ACP7: variants seen among roughly 807,000 people sequenced by gnomAD.
ACP7 encodes the protein acid phosphatase type 7.
ACP7 carries 58 observed loss-of-function variants against 60.6 expected under a neutral mutation model. That is an observed-to-expected ratio of 0.96 (90% confidence interval 0.77 to 1.19). ACP7 has a LOEUF of 1.19. Among genes scored for constraint, ACP7 ranks in the 50% most tolerant of loss-of-function variants. The pLI, the probability that ACP7 is intolerant of heterozygous loss-of-function variation, is 0.00. For synonymous variants in ACP7, 237 were observed against 232.6 expected (o/e 1.02, Z -0.17); for missense variants, 574 against 596.2 (o/e 0.96, Z 0.39).
intron 11 of ACP7, among the ~76,000 whole-genome samples, chr19:39,104,742 G>A (rs2073393405): frequency 1.3e-5 from 2 of 151,898 alleles, no homozygotes; most frequent in South Asian, 2.1e-4. Flanking sequence ...AAAATTAGCC[G>A]GGCATGGTGG....
At chr19:39,106,560 G>A (rs959627289) in intron 11 of ACP7, among the ~76,000 whole-genome samples, 10 of 152,284 alleles carry the variant, frequency 6.6e-5, no homozygotes, top group African/African-American at 9.6e-5. Flanking sequence ...GTGTCACTCC[G>A]TCTCCCAGGC....
chr19:39,100,626 G>A lies in ACP7; in HGVS notation c.676G>A (p.Glu226Lys), dbSNP rs370072116. Residue 226 changes from glutamate to lysine, a missense_variant, in exon 6 of 13, where the codon GAG becomes AAG. By Grantham distance (56) the Glu-to-Lys change is moderately conservative. Transcript: ENST00000331256. ...TCGCTTCAGCATGCCGGGGGATAAT[G>A]AGGGCCTGTGGTACAGGTAATGTGG... ...KARFSMPGDN[E>K]GLWYSWDLGP... The A allele has an allele frequency of 2.4e-5, 38 of 1,613,934 alleles. No homozygotes were observed. In the African/African-American group the frequency reaches 4.1e-4, roughly 18 times the overall value.
At position 39,085,121 on chromosome 19, in the gene ACP7, ACCTC is replaced by A; in HGVS notation, c.-145_-142del. 1.0e-6 allele frequency: 1 copy of A among 1,001,120 alleles called. No individual in the cohort carries two copies. The highest frequency in any genetic ancestry group is 2.0e-5 in the South Asian group (1 of 50,750). The allele number at this position is 1,001,120 out of a possible 1,614,324, so 62.0% of individuals were successfully genotyped here. A position where few individuals can be genotyped will look rare whatever the true frequency, so the allele number is the denominator to read the frequency against. ...TGGATAACCACCCATCTTGAAGGAG[ACCTC>A]CCTGCCCTGCCTCTGTTGTCCCCCA... On this transcript the variant is annotated 5_prime_UTR_variant, in exon 2 of 13. Coordinates refer to ENST00000331256, the MANE Select transcript of ACP7 (RefSeq NM_001004318.3).
intron 11 of ACP7, among the ~76,000 whole-genome samples, chr19:39,102,156 AC>A (rs1242136292): frequency 6.6e-6 from 1 of 151,162 alleles, no homozygotes; most frequent in Non-Finnish European, 1.5e-5. Context: ...ACACACACAC[AC>A]AAAAGATACT....
In ACP7 at chr19:39,092,498, C is replaced by T. The variant is rs573349032; in HGVS notation, c.122-5960C>T. 5.9e-5 allele frequency among the ~76,000 whole-genome samples: 9 copies of T among 152,202 alleles called. No individual in the cohort carries two copies. In the South Asian group the frequency reaches 1.7e-3, roughly 28 times the overall value. On this transcript the variant is annotated intron_variant, in intron 2 of 12. Transcript: ENST00000331256. ...TTGTCTTTTGTCTTGTAATAATACC[C>T]AGTTAGGACACTGTTTCTTGCGGTT...
At chr19:39,109,729 G>A (rs1225284387) in intron 12 of ACP7, among the ~76,000 whole-genome samples, 1 of 150,688 alleles carries the variant, frequency 6.6e-6, no homozygotes, top group African/African-American at 2.4e-5. Context: ...GAGAAAGAGT[G>A]GATGTGCTGG....
chr19:39,100,914 A>C, intron 7 of ACP7, 35 bp from the exon 8 acceptor site: 1 of 1,505,570 alleles, frequency 6.6e-7, no homozygotes, highest in Non-Finnish European at 9.1e-7. Context: ...TCCACCCCTG[A>C]CTCCTAGCCC....
intron 2 of ACP7, among the ~76,000 whole-genome samples, chr19:39,095,287 C>G (rs1375102156): frequency 2.0e-5 from 3 of 152,164 alleles, no homozygotes; most frequent in Non-Finnish European, 2.9e-5. Context: ...CTAGTTACTT[C>G]CTAGATACAA....
In ACP7 at chr19:39,085,320, C is replaced by T; in HGVS notation, c.51C>T (p.Phe17=). 1 of 1,613,768 alleles carries T rather than the reference C, an allele frequency of 6.2e-7. No individual in the cohort carries two copies. Among genetic ancestry groups the T allele is most frequent in the South Asian group, 1.1e-5 (1 of 91,018 alleles). Residue 17 remains phenylalanine, a synonymous_variant, in exon 2 of 13, where the codon TTC becomes TTT. Coordinates refer to ENST00000331256, the MANE Select transcript of ACP7 (RefSeq NM_001004318.3). ...CCTGTTACTGTCTACTCCTGCTATT[C>T]TCCTTGGGAGTCCAGGGGTCCCTGG... ...YWSCYCLLLL[F]SLGVQGSLGA... is the part of the protein sequence containing the mutation.
intron 12 of ACP7, among the ~76,000 whole-genome samples, chr19:39,108,699 T>C (rs1179204464): frequency 6.6e-6 from 1 of 152,144 alleles, no homozygotes; most frequent in Non-Finnish European, 1.5e-5. Context: ...ATCCAAATAA[T>C]AATGGCTCAC....
chr19:39,091,236 C>T (rs1202775139), intron 2 of ACP7, among the ~76,000 whole-genome samples: 1 of 150,860 alleles, frequency 6.6e-6, no homozygotes. Context: ...GATCTCAGCT[C>T]ACAGCAACCT....
chr19:39,093,172 C>CTTT, intron 2 of ACP7, among the ~76,000 whole-genome samples: 1 of 80,868 alleles, frequency 1.2e-5, no homozygotes, highest in African/African-American at 5.1e-5. Flanking sequence ...CTTTCTTTCT[C>CTTT]TCCTTCCTTC....
At chr19:39,084,753 GA>G (rs1351151070) in intron 1 of ACP7, among the ~76,000 whole-genome samples, 1 of 152,014 alleles carries the variant, frequency 6.6e-6, no homozygotes, top group Non-Finnish European at 1.5e-5. Context: ...GAAAGCTGGG[GA>G]TGGGGCTGCG....
chr19:39,100,524 G>A (rs1432980098), intron 5 of ACP7, 56 bp from the exon 6 acceptor site: 3 of 1,605,946 alleles, frequency 1.9e-6, no homozygotes, highest in Non-Finnish European at 2.6e-6. Flanking sequence ...GGGTATAGGA[G>A]TAGGGCTATG....
At chr19:39,098,851 CCCCA>C (rs1201430970) in intron 3 of ACP7, 105 bp from the exon 4 acceptor site, 177 of 1,485,866 alleles carry the variant, frequency 1.2e-4, no homozygotes, top group Non-Finnish European at 1.5e-4. Context: ...ATGGGCCAGC[CCCCA>C]CCAGTCCCCC....
intron 2 of ACP7, among the ~76,000 whole-genome samples, chr19:39,087,772 T>C (rs1487819235): frequency 6.6e-6 from 1 of 152,064 alleles, no homozygotes; most frequent in Non-Finnish European, 1.5e-5. Context: ...TATCTGGGAT[T>C]ACAGGCATGC....
At chr19:39,091,164 C>CTTTTTTTTT (rs111230201) in intron 2 of ACP7, among the ~76,000 whole-genome samples, 1 of 139,668 alleles carries the variant, frequency 7.2e-6, no homozygotes, top group African/African-American at 2.6e-5. Context: ...TCTTTTCTTT[C>CTTTTTTTTT]TTTTTTTTTT....
At chr19:39,102,765 T>TTCTTTCTTTC (rs1316628357) in intron 11 of ACP7, among the ~76,000 whole-genome samples, 157 of 107,440 alleles carry the variant, frequency 1.5e-3, no homozygotes, top group African/African-American at 4.5e-3. Context: ...CTTTCTTTCT[T>TTCTTTCTTTC]TCTCTCTCTC....
chr19:39,110,418 G>C lies in ACP7; in HGVS notation c.*300G>C, dbSNP rs1177270877. The C allele has an allele frequency of 8.7e-6, 3 of 345,772 alleles. No individual in the cohort carries two copies. Among genetic ancestry groups the C allele is most frequent in the Non-Finnish European group, 1.6e-5 (3 of 188,198 alleles). The allele number at this position is 345,772 out of a possible 1,614,324, so 21.4% of individuals were successfully genotyped here. A position where few individuals can be genotyped will look rare whatever the true frequency, so the allele number is the denominator to read the frequency against. The stretch of plus-strand genomic sequence containing the variant: ...TCTGATCGGGCGAGGTGCCCACGGG[G>C]CTTCAGGAATGAAGAGGCTTAAGCT... On this transcript the variant is annotated 3_prime_UTR_variant, in exon 13 of 13. Coordinates refer to ENST00000331256, the MANE Select transcript of ACP7 (RefSeq NM_001004318.3).
Sources: allele counts gnomAD v4.1 joint callset (sites outside exome capture counted in the v4.1 genomes callset), GRCh38; gene constraint gnomAD v4.1.1; transcripts MANE v1.5; gene names NCBI Gene and HGNC (gene_info 2026-07-23, HGNC 2026-07-21).